Variants in MBNL3 observed in about 807,000 individuals in gnomAD.
The protein encoded by MBNL3 is muscleblind-like protein 3.
In MBNL3, 6 loss-of-function variants were observed where a neutral mutation model predicts 24.5. That is an observed-to-expected ratio of 0.25 (90% CI 0.13 to 0.48). The LOEUF (loss-of-function observed/expected upper bound fraction) is 0.48. Among genes scored for constraint, MBNL3 ranks in the 20% least tolerant of loss-of-function variants. The pLI is 0.99. For missense variants in MBNL3, 230 were observed against 293.5 expected (o/e 0.78, Z 1.58); for synonymous variants, 100 against 101.7 (o/e 0.98, Z 0.10).
In MBNL3 at chrX:132,377,243, G is replaced by A. The variant is rs1018668478; in HGVS notation, c.*2423C>T. The stretch of plus-strand genomic sequence containing the variant: ...TGCCCTTCTGGAGAGGCACTGGCAC[G>A]GATCATACAAAACTCAGTTCCATAC... On this transcript the variant is annotated 3_prime_UTR_variant, in exon 9 of 9. Coordinates refer to ENST00000370853, the MANE Select transcript of MBNL3 (RefSeq NM_001386889.1). 9.0e-6 allele frequency: 1 copy of A among 111,338 alleles called. No homozygotes were observed. Among genetic ancestry groups the A allele is most frequent in the African/African-American group, 3.3e-5 (1 of 30,652 alleles). 9.2% of individuals were successfully genotyped at this position (111,338 alleles called of 1,213,427 possible).
intron 3 of MBNL3, among the ~76,000 whole-genome samples, chrX:132,394,927 C>T (rs1447031018): frequency 1.8e-5 from 2 of 111,959 alleles, no homozygotes; most frequent in Non-Finnish European, 3.8e-5. Flanking sequence ...ATGTAAAGGG[C>T]TTACTGAAAG....
At chrX:132,381,940 A>G (rs1935040047) in intron 8 of MBNL3, among the ~76,000 whole-genome samples, 1 of 112,176 alleles carries the variant, frequency 8.9e-6, no homozygotes, top group African/African-American at 3.2e-5. Context: ...AATTAAATAT[A>G]GAATATCAAG....
At chrX:132,397,181 G>A (rs1342097154) in intron 3 of MBNL3, among the ~76,000 whole-genome samples, 1 of 107,763 alleles carries the variant, frequency 9.3e-6, no homozygotes, top group Non-Finnish European at 1.9e-5. Flanking sequence ...TTGGAATCCT[G>A]TAAAGGTAAA....
chrX:132,463,396 A>C (rs996093501), intron 1 of MBNL3, among the ~76,000 whole-genome samples: 7 of 111,398 alleles, frequency 6.3e-5, no homozygotes, highest in Non-Finnish European at 1.3e-4. Context: ...CGGGCGGGGC[A>C]GAGCTTGCAG....
intron 5 of MBNL3, among the ~76,000 whole-genome samples, chrX:132,389,061 C>T (rs1019254303): frequency 8.9e-6 from 1 of 111,805 alleles, no homozygotes; most frequent in Admixed American, 9.5e-5. Context: ...GACTTGTAAC[C>T]TATGCATTCT....
intron 2 of MBNL3, among the ~76,000 whole-genome samples, chrX:132,414,648 A>T (rs913392464): frequency 1.8e-5 from 2 of 111,526 alleles, no homozygotes; most frequent in Admixed American, 1.9e-4. Context: ...ACATTGTTTA[A>T]CTCACAAACC....
intron 2 of MBNL3, among the ~76,000 whole-genome samples, chrX:132,424,032 A>T (rs1944066937): frequency 8.9e-6 from 1 of 111,945 alleles, no homozygotes; most frequent in Middle Eastern, 4.2e-3. Context: ...GTAAAGACTG[A>T]TATAATGGGA....
At chrX:132,452,269 C>G (rs1317352480) in intron 1 of MBNL3, among the ~76,000 whole-genome samples, 1 of 112,345 alleles carries the variant, frequency 8.9e-6, no homozygotes, top group Non-Finnish European at 1.9e-5. Flanking sequence ...AATCCCAGTG[C>G]CATTAAAAGG....
At chrX:132,471,663 C>T (rs1459630516) in intron 1 of MBNL3, among the ~76,000 whole-genome samples, 1 of 112,785 alleles carries the variant, frequency 8.9e-6, no homozygotes, top group African/African-American at 3.2e-5. Context: ...GGCACTGCAG[C>T]CTGGGCCACA....
intron 1 of MBNL3, among the ~76,000 whole-genome samples, chrX:132,485,662 G>T (rs1317701483): frequency 3.6e-5 from 4 of 112,065 alleles, no homozygotes; most frequent in Non-Finnish European, 7.5e-5. Flanking sequence ...AGATCTAATT[G>T]CTTTCTTTCA....
chrX:132,370,685 A>T lies in MBNL3; in HGVS notation c.*8981T>A. The T allele has an allele frequency of 8.9e-6, 1 of 111,791 alleles. No homozygotes were observed. Among genetic ancestry groups the T allele is most frequent in the East Asian group, 2.8e-4 (1 of 3,555 alleles). 9.2% of individuals were successfully genotyped at this position (111,791 alleles called of 1,213,427 possible). Reference sequence around the variant, plus strand: ...TGTCTCTTAGATCTCAACTATGAGCAGTTCTCCATAGTCTGAGAAGCCCAA... The same window carrying T: ...TGTCTCTTAGATCTCAACTATGAGCTGTTCTCCATAGTCTGAGAAGCCCAA... On this transcript the variant is annotated 3_prime_UTR_variant, in exon 9 of 9. Transcript: ENST00000370853.
chrX:132,381,392 A>C (rs766545591), intron 8 of MBNL3: 1 of 1,182,211 alleles, frequency 8.5e-7, no homozygotes, highest in Non-Finnish European at 1.1e-6. Flanking sequence ...CTGTGAAACA[A>C]ACATGCTGCT....
Position 132,376,435 on chromosome X carries a change from C to A in MBNL3, c.*3231G>T, listed in dbSNP as rs1211074402. ...TTTTAAAAAGTTGACACTACTAAAA[C>A]CCTCTTAAAGATAACTTTTAGATTA... On this transcript the variant is annotated 3_prime_UTR_variant, in exon 9 of 9. Transcript: ENST00000370853. 3 of 111,425 alleles carry A rather than the reference C, an allele frequency of 2.7e-5. No individual in the cohort carries two copies. The East Asian group carries it at 8.4e-4, about 31-fold the overall frequency. 9.2% of individuals were successfully genotyped at this position (111,425 alleles called of 1,213,427 possible).
intron 5 of MBNL3, among the ~76,000 whole-genome samples, chrX:132,388,936 T>G (rs1372742383): frequency 9.2e-6 from 1 of 108,414 alleles, no homozygotes; most frequent in Non-Finnish European, 2.0e-5. Context: ...TTGATCTCAC[T>G]GCTAAGACCC....
At chrX:132,384,514 A>G (rs1935621019) in intron 7 of MBNL3, 149 bp downstream of exon 7, 7 of 483,593 alleles carry the variant, frequency 1.4e-5, no homozygotes, top group Non-Finnish European at 1.4e-5. Flanking sequence ...TGATGCTACA[A>G]AGACATAAAA....
At position 132,369,578 on chromosome X, in the gene MBNL3, A is replaced by G. The variant is rs1216378656; in HGVS notation, c.*10088T>C. The G allele has an allele frequency of 1.8e-5, 2 of 111,634 alleles. No homozygotes were observed. Among genetic ancestry groups the G allele is most frequent in the Admixed American group, 1.9e-4 (2 of 10,494 alleles). 9.2% of individuals were successfully genotyped at this position (111,634 alleles called of 1,213,427 possible). ...GGGTTAATCATCGTCTTCTGTAGCC[A>G]TAAGGTCTCTGCAAGCATGCTGACT... On this transcript the variant is annotated 3_prime_UTR_variant, in exon 9 of 9. Coordinates refer to ENST00000370853, the MANE Select transcript of MBNL3 (RefSeq NM_001386889.1).
At chrX:132,453,012 G>C (rs997738020) in intron 1 of MBNL3, among the ~76,000 whole-genome samples, 1 of 112,059 alleles carries the variant, frequency 8.9e-6, no homozygotes, top group Non-Finnish European at 1.9e-5. Context: ...ATGAAGGCAA[G>C]AGAGGCAGAT....
chrX:132,382,105 A>G, intron 8 of MBNL3, 73 bp downstream of exon 8: 1 of 903,455 alleles, frequency 1.1e-6, no homozygotes, highest in Admixed American at 2.6e-5. Context: ...TCACCAATCC[A>G]AAAAGCATAT....
At chrX:132,432,953 G>A (rs1944859990) in intron 2 of MBNL3, 1 of 111,264 alleles carries the variant, frequency 9.0e-6, no homozygotes, top group Non-Finnish European at 1.9e-5. Flanking sequence ...ACTTACACTC[G>A]CAACTAAAAT....
Sources: allele counts gnomAD v4.1 joint callset (sites outside exome capture counted in the v4.1 genomes callset), GRCh38; gene constraint gnomAD v4.1.1; transcripts MANE v1.5; gene names NCBI Gene and HGNC (gene_info 2026-07-23, HGNC 2026-07-21).